DNM1L: variants seen among roughly 807,000 people sequenced by gnomAD.
DNM1L encodes dynamin 1L.
Under a neutral mutation model 92.8 loss-of-function variants are expected in DNM1L, and 33 were observed. The ratio of observed to expected loss-of-function variants is 0.36; its 90% CI spans 0.27 to 0.48. The LOEUF (loss-of-function observed/expected upper bound fraction) is 0.48. Among genes scored for constraint, DNM1L ranks in the 20% least tolerant of loss-of-function variants. The pLI, the probability that DNM1L is intolerant of heterozygous loss-of-function variation, is 0.99. For synonymous variants in DNM1L, 284 were observed against 305.0 expected, an observed-to-expected ratio of 0.93 and a Z score of 0.72; for missense variants, 485 against 888.8, an observed-to-expected ratio of 0.55 and a Z score of 5.78.
intron 9 of DNM1L, among the ~76,000 whole-genome samples, chr12:32,730,395 T>G (rs1352281380): frequency 6.6e-6 from 1 of 151,664 alleles, no homozygotes; most frequent in Non-Finnish European, 1.5e-5. Context: ...AAAAGAGAGA[T>G]TTAATTTGTC....
intron 6 of DNM1L, among the ~76,000 whole-genome samples, chr12:32,718,415 T>TA (rs1953649495): frequency 6.6e-6 from 1 of 151,992 alleles, no homozygotes; most frequent in Non-Finnish European, 1.5e-5. Flanking sequence ...CTGCTAGAAT[T>TA]ACAGGTGTGA....
At chr12:32,705,781 G>T (rs779134973) in intron 2 of DNM1L, 1 of 1,558,242 alleles carries the variant, frequency 6.4e-7, no homozygotes, top group Non-Finnish European at 8.7e-7. Flanking sequence ...AAATTTTAGG[G>T]ATAAGCACTA....
chr12:32,683,269 G>C (rs1951873708), intron 1 of DNM1L, among the ~76,000 whole-genome samples: 2 of 152,114 alleles, frequency 1.3e-5, no homozygotes, highest in African/African-American at 4.8e-5. Flanking sequence ...TTTCACCCAG[G>C]CTGGAGTGCA....
intron 13 of DNM1L, among the ~76,000 whole-genome samples, chr12:32,736,067 CTTTTTTTTTTT>C (rs773591822): frequency 1.8e-5 from 2 of 113,046 alleles, no homozygotes; most frequent in East Asian, 2.6e-4. Context: ...TCTTCATAAT[CTTTTTTTTTTT>C]TTTTTTTTTT....
chr12:32,740,556 T>C, intron 18 of DNM1L, 38 bp downstream of exon 18: 1 of 1,495,730 alleles, frequency 6.7e-7, no homozygotes, highest in South Asian at 1.2e-5. Flanking sequence ...ACTTTAATAC[T>C]TCTGGATGAT....
intron 6 of DNM1L, among the ~76,000 whole-genome samples, chr12:32,716,249 G>GT (rs1953359769): frequency 6.6e-6 from 1 of 150,396 alleles, no homozygotes; most frequent in Non-Finnish European, 1.5e-5. Flanking sequence ...TGGTGGGGGG[G>GT]GGTGGCAATG....
chr12:32,679,717 C>T (rs1299683652), intron 1 of DNM1L: 1 of 1,190,282 alleles, frequency 8.4e-7, no homozygotes. Context: ...CCTGGCTAGC[C>T]CGGCGGGTCC....
intron 18 of DNM1L, among the ~76,000 whole-genome samples, chr12:32,741,709 TTGC>T (rs1271357337): frequency 9.2e-5 from 14 of 152,230 alleles, no homozygotes; most frequent in African/African-American, 3.4e-4. Context: ...TACCATGTTT[TTGC>T]TGTACATTTC....
chr12:32,735,518 T>C (rs1954811682), intron 13 of DNM1L, among the ~76,000 whole-genome samples: 1 of 152,208 alleles, frequency 6.6e-6, no homozygotes, highest in Admixed American at 6.5e-5. Context: ...TATTTTTTAT[T>C]ACTGAATACC....
At chr12:32,695,591 G>T (rs11052185) in intron 1 of DNM1L, among the ~76,000 whole-genome samples, 23,388 of 151,708 alleles carry the variant, frequency 0.15, 1,899 homozygotes, top group Middle Eastern at 0.21. Context: ...GGCAACATGG[G>T]GAAACCCTGT....
At chr12:32,742,454 G>A in intron 18 of DNM1L, 135 bp from the exon 19 acceptor site, 1 of 1,127,694 alleles carries the variant, frequency 8.9e-7, no homozygotes, top group Non-Finnish European at 1.3e-6. Flanking sequence ...AATCTAAAGG[G>A]CGATTATGCC....
chr12:32,737,940 A>C lies in DNM1L; in HGVS notation c.1672A>C (p.Lys558Gln). The change falls in exon 15 of 20, where the codon AAG (lysine) becomes CAG (glutamine). Residue 558 changes from lysine (K) to glutamine (Q), a missense_variant and splice_region_variant. Coordinates refer to ENST00000549701, the MANE Select transcript of DNM1L (RefSeq NM_012062.5). ...CGCTGCTTCTGCTGAGGCTGATGGC[A>C]AGGTCTGTTCTGATTCTTAATCTAA... ...SPAASAEADG[K>Q]LIQDSRRETK... 2 of 1,613,794 alleles carry C rather than the reference A, an allele frequency of 1.2e-6. No individual in the cohort carries two copies. Among genetic ancestry groups the C allele is most frequent in the Non-Finnish European group, 1.7e-6 (2 of 1,179,954 alleles).
chr12:32,679,492 G>A (rs766295842), intron 1 of DNM1L, 27 bp downstream of exon 1: 22 of 1,593,330 alleles, frequency 1.4e-5, no homozygotes, highest in Middle Eastern at 1.7e-4. Context: ...GCGTTCGCTC[G>A]GGCCAGACCC....
chr12:32,707,414 G>A lies in DNM1L; in HGVS notation c.297+1G>A. ...TAAATTTCTTCACACCAAAAATAAGGTAATCACACATGCATATAATGAAGA... is the reference window on the plus strand; with the variant it reads ...TAAATTTCTTCACACCAAAAATAAGATAATCACACATGCATATAATGAAGA... On this transcript the variant is annotated splice_donor_variant, in intron 3 of 19. Transcript: ENST00000549701. LOFTEE classifies it high-confidence loss of function. The A allele has an allele frequency of 6.3e-7, 1 of 1,598,986 alleles. No individual in the cohort carries two copies. Among genetic ancestry groups the A allele is most frequent in the Non-Finnish European group, 8.5e-7 (1 of 1,172,528 alleles).
intron 4 of DNM1L, among the ~76,000 whole-genome samples, chr12:32,708,986 C>T (rs1953026985): frequency 6.6e-6 from 1 of 152,112 alleles, no homozygotes; most frequent in South Asian, 2.1e-4. Flanking sequence ...TGGGCCCTAG[C>T]CTAGTACTAA....
At chr12:32,679,656 A>C in intron 1 of DNM1L, 191 bp downstream of exon 1, 1 of 1,292,032 alleles carries the variant, frequency 7.7e-7, no homozygotes, top group Non-Finnish European at 9.8e-7. Context: ...GCAGCGTTGC[A>C]TCAAGGCGGA....
At chr12:32,739,976 A>G in intron 16 of DNM1L, 88 bp from the exon 17 acceptor site, 1 of 1,539,622 alleles carries the variant, frequency 6.5e-7, no homozygotes, top group South Asian at 1.2e-5. Context: ...TACTGGATGT[A>G]TATTGACTAC....
rs1953773631 is a variant in DNM1L at position 32,720,935 on chromosome 12, G to T, written c.872+140G>T. On this transcript the variant is annotated intron_variant, in intron 8 of 19. Transcript: ENST00000549701. ...GTTTCTTATATAGTAGGTTCCTGAAGAGTAGATGTCTCTGTTTTTATTGGG... is the reference window on the plus strand; with the variant it reads ...GTTTCTTATATAGTAGGTTCCTGAATAGTAGATGTCTCTGTTTTTATTGGG... 2.6e-5 allele frequency: 27 copies of T among 1,041,896 alleles called. No homozygotes were observed. In the South Asian group the frequency reaches 3.7e-4, roughly 14 times the overall value. 64.5% of individuals were successfully genotyped at this position (1,041,896 alleles called of 1,614,324 possible). A position where few individuals can be genotyped will look rare whatever the true frequency, so the allele number is the denominator to read the frequency against.
chr12:32,733,894 A>G (rs1954715354), intron 13 of DNM1L, 87 bp downstream of exon 13: 2 of 1,167,188 alleles, frequency 1.7e-6, no homozygotes, highest in African/African-American at 1.5e-5. Context: ...TGGAGTAACT[A>G]TAAAATAGAC....
Sources: gnomAD v4.1 joint callset for allele counts (sites outside exome capture counted in the v4.1 genomes callset) on GRCh38, gnomAD v4.1.1 for gene constraint, MANE v1.5 for transcripts, NCBI Gene and HGNC (gene_info 2026-07-23, HGNC 2026-07-21) for gene names.